Variants in BBS9 observed in about 807,000 individuals in gnomAD.
BBS9 encodes Bardet-Biedl syndrome 9.
A neutral mutation model predicts 117.7 loss-of-function variants in BBS9; 89 were observed. The observed-to-expected ratio is 0.76, with a 90% CI of 0.64 to 0.90. BBS9 has a LOEUF of 0.90. Ranked by LOEUF, BBS9 falls within the 40% of genes least tolerant of loss-of-function variation. BBS9 has a pLI of 0.00. For synonymous variants in BBS9, 379 were observed against 370.9 expected, an observed-to-expected ratio of 1.02 and a Z score of -0.25; for missense variants, 982 against 1,042.2, an observed-to-expected ratio of 0.94 and a Z score of 0.80.
intron 19 of BBS9, among the ~76,000 whole-genome samples, chr7:33,407,276 C>G (rs867821698): frequency 6.6e-6 from 1 of 152,336 alleles, no homozygotes; most frequent in African/African-American, 2.4e-5. Context: ...CCTTGGCTTT[C>G]AGCTCCATCA....
Position 33,178,158 on chromosome 7 carries a change from C to T in BBS9, c.442+567C>T, listed in dbSNP as rs1259271951. On this transcript the variant is annotated intron_variant, in intron 5 of 22. Transcript: ENST00000242067. ...GGCTGCTGTACAGGGTTGTGTGGGT[C>T]GTTTCTGCACAGGGCAGCTGGAAGA... Among the ~76,000 whole-genome samples the T allele has an allele frequency of 3.9e-5, 6 of 152,268 alleles. No individual in the cohort carries two copies. The East Asian group carries it at 9.7e-4, about 25-fold the overall frequency.
intron 19 of BBS9, among the ~76,000 whole-genome samples, chr7:33,448,236 C>G (rs1218205110): frequency 6.6e-6 from 1 of 152,130 alleles, no homozygotes; most frequent in Admixed American, 6.5e-5. Flanking sequence ...GTTCAGACCT[C>G]TAGAAATTGC....
At chr7:33,445,030 G>A (rs1344185245) in intron 19 of BBS9, among the ~76,000 whole-genome samples, 2 of 152,178 alleles carry the variant, frequency 1.3e-5, no homozygotes, top group African/African-American at 4.8e-5. Flanking sequence ...TAGAAAAATA[G>A]TACATGTATG....
chr7:33,190,809 C>A (rs751291267), intron 5 of BBS9, among the ~76,000 whole-genome samples: 6 of 152,138 alleles, frequency 3.9e-5, no homozygotes, highest in Non-Finnish European at 5.9e-5. Context: ...TGAGCCTGAG[C>A]CACAGGTGTG....
chr7:33,520,734 A>C (rs932488855), intron 20 of BBS9, among the ~76,000 whole-genome samples: 3 of 152,236 alleles, frequency 2.0e-5, no homozygotes, highest in African/African-American at 7.2e-5. Context: ...TCAGTGTTGC[A>C]GGCCACATAG....
chr7:33,130,564 C>G (rs1422227380), intron 1 of BBS9, among the ~76,000 whole-genome samples: 2 of 152,134 alleles, frequency 1.3e-5, no homozygotes, highest in East Asian at 1.9e-4. Context: ...GAAACCGTAT[C>G]TTACAGGTAT....
At position 33,571,576 on chromosome 7, in the gene BBS9, T is replaced by C. The variant is rs1450854366; in HGVS notation, c.2522-33289T>C. On this transcript the variant is annotated intron_variant, in intron 21 of 22. Transcript: ENST00000242067. Reference sequence around the variant, plus strand: ...TATTTTTTTGCCATATTTCTTTTAATTTTTATCTATAATTAGGAAATTTTT... The same window carrying C: ...TATTTTTTTGCCATATTTCTTTTAACTTTTATCTATAATTAGGAAATTTTT... Among the ~76,000 whole-genome samples the C allele has an allele frequency of 3.9e-5, 6 of 152,086 alleles. No homozygotes were observed. In the East Asian group the frequency reaches 1.2e-3, roughly 29 times the overall value.
chr7:33,243,023 C>A, intron 5 of BBS9: 1 of 516,992 alleles, frequency 1.9e-6, no homozygotes, highest in Non-Finnish European at 3.9e-6. Context: ...TCTTGACGTT[C>A]CCAAGTTATA....
intron 19 of BBS9, among the ~76,000 whole-genome samples, chr7:33,406,098 T>C (rs569657639): frequency 3.9e-5 from 6 of 152,244 alleles, no homozygotes; most frequent in Non-Finnish European, 8.8e-5. Flanking sequence ...TTTCGTTATG[T>C]ACCCAGTAGT....
Position 33,347,593 on chromosome 7 carries a change from C to G in BBS9, c.1330-1475C>G, listed in dbSNP as rs573234757. On this transcript the variant is annotated intron_variant, in intron 12 of 22. Transcript: ENST00000242067. ...ATCGATAGTTGTCTTAAAAATTTTC[C>G]TTTGCAAGTCAAAATTTTTATGTTT... Among the ~76,000 whole-genome samples the G allele has an allele frequency of 9.2e-5, 14 of 151,950 alleles. No homozygotes were observed. In the East Asian group the frequency reaches 2.7e-3, roughly 29 times the overall value.
intron 20 of BBS9, among the ~76,000 whole-genome samples, chr7:33,526,674 C>T (rs201142197): frequency 0.52 from 67,701 of 131,180 alleles, 18,722 homozygotes; most frequent in African/African-American, 0.7. Context: ...AGTTTTCAAC[C>T]TCTTTGCCTT....
At chr7:33,440,929 G>A (rs1231756718) in intron 19 of BBS9, among the ~76,000 whole-genome samples, 2 of 152,150 alleles carry the variant, frequency 1.3e-5, no homozygotes, top group Admixed American at 6.5e-5. Flanking sequence ...AAAAAGAAAT[G>A]TGAGAACTTT....
At chr7:33,511,238 T>G (rs191710882) in intron 20 of BBS9, among the ~76,000 whole-genome samples, 1 of 152,276 alleles carries the variant, frequency 6.6e-6, no homozygotes, top group Admixed American at 6.5e-5. Flanking sequence ...TCTGTACAAA[T>G]CTCCTTCTCA....
At chr7:33,527,446 C>T (rs1472608223) in intron 20 of BBS9, among the ~76,000 whole-genome samples, 3 of 152,274 alleles carry the variant, frequency 2.0e-5, no homozygotes, top group East Asian at 1.9e-4. Context: ...GATATAGTCT[C>T]GTGGTGCGCC....
chr7:33,165,232 C>G (rs1329635175), intron 4 of BBS9, among the ~76,000 whole-genome samples: 1 of 152,142 alleles, frequency 6.6e-6, no homozygotes, highest in African/African-American at 2.4e-5. Flanking sequence ...TTGTGGGTAA[C>G]CTGACCTTTC....
intron 9 of BBS9, among the ~76,000 whole-genome samples, chr7:33,315,522 C>T (rs761087431): frequency 1.3e-5 from 2 of 152,076 alleles, no homozygotes; most frequent in African/African-American, 2.4e-5. Flanking sequence ...CTTGATGAAA[C>T]GAGCTGTAAA....
At chr7:33,293,540 C>A (rs74427630) in intron 9 of BBS9, among the ~76,000 whole-genome samples, 2,359 of 152,090 alleles carry the variant, frequency 0.016, 65 homozygotes, top group African/African-American at 0.054. Context: ...TTCTGGAGGT[C>A]CCATGATGTC....
At chr7:33,311,246 T>A (rs1809162249) in intron 9 of BBS9, among the ~76,000 whole-genome samples, 3 of 151,588 alleles carry the variant, frequency 2.0e-5, no homozygotes, top group Admixed American at 2.0e-4. Context: ...GGATGGGAGG[T>A]AGGTGATGAG....
At chr7:33,177,386 A>C (rs558819061) in intron 4 of BBS9, 92 bp from the exon 5 acceptor site, 99 of 866,916 alleles carry the variant, frequency 1.1e-4, no homozygotes, top group East Asian at 3.6e-4. Context: ...TAATTTCCCT[A>C]AAATTACTTA....
Sources: gnomAD v4.1 joint callset for allele counts (sites outside exome capture counted in the v4.1 genomes callset) on GRCh38, gnomAD v4.1.1 for gene constraint, MANE v1.5 for transcripts, NCBI Gene and HGNC (gene_info 2026-07-23, HGNC 2026-07-21) for gene names.